Variants in BBS9 observed in about 807,000 individuals in gnomAD.
The protein encoded by BBS9 is Bardet-Biedl syndrome 9.
A neutral mutation model predicts 117.7 loss-of-function variants in BBS9; 89 were observed. The ratio of observed to expected loss-of-function variants is 0.76; its 90% CI spans 0.64 to 0.90. The LOEUF (loss-of-function observed/expected upper bound fraction) is 0.90, where lower values mean the gene tolerates loss of function less well. Ranked by LOEUF, BBS9 falls within the 40% of genes least tolerant of loss-of-function variation. The pLI, the probability that BBS9 is intolerant of heterozygous loss-of-function variation, is 0.00. For missense variants in BBS9, 982 were observed against 1,042.2 expected (o/e 0.94, Z 0.80); for synonymous variants, 379 against 370.9 (o/e 1.02, Z -0.25).
downstream of BBS9, among the ~76,000 whole-genome samples, chr7:33,606,394 C>T (rs1864569368): frequency 6.6e-6 from 1 of 152,116 alleles, no homozygotes; most frequent in African/African-American, 2.4e-5. Flanking sequence ...TCTCAACGGC[C>T]TTGTGATTTA....
intron 5 of BBS9, among the ~76,000 whole-genome samples, chr7:33,212,886 G>A (rs879278290): frequency 5.3e-5 from 8 of 152,146 alleles, no homozygotes; most frequent in Non-Finnish European, 1.0e-4. Flanking sequence ...TCTGTGCTGA[G>A]CCACCTGGAA....
At chr7:33,480,313 A>G (rs1842358302) in intron 19 of BBS9, among the ~76,000 whole-genome samples, 1 of 152,210 alleles carries the variant, frequency 6.6e-6, no homozygotes, top group Non-Finnish European at 1.5e-5. Flanking sequence ...AAGGCTCTAT[A>G]CTAGTTTCTA....
At chr7:33,411,011 G>GTTTTTTTT (rs765425062) in intron 19 of BBS9, among the ~76,000 whole-genome samples, 4 of 96,422 alleles carry the variant, frequency 4.1e-5, no homozygotes, top group Admixed American at 1.2e-4. Context: ...AAATGTTGGT[G>GTTTTTTTT]TTTTTTTTTT....
intron 9 of BBS9, among the ~76,000 whole-genome samples, chr7:33,289,892 A>G (rs1803664660): frequency 6.6e-6 from 1 of 152,032 alleles, no homozygotes. Flanking sequence ...AAATACAAAA[A>G]TTAGCTAGGC....
intron 5 of BBS9, among the ~76,000 whole-genome samples, chr7:33,221,131 G>C (rs541249864): frequency 1.4e-3 from 220 of 152,300 alleles, no homozygotes; most frequent in Middle Eastern, 3.4e-3. Flanking sequence ...AAGCTCTGCT[G>C]TGTTGGTTGT....
At position 33,250,702 on chromosome 7, in the gene BBS9, A is replaced by G. The variant is rs1277260300; in HGVS notation, c.443-6534A>G. 2.0e-5 allele frequency among the ~76,000 whole-genome samples: 3 copies of G among 152,198 alleles called. No homozygotes were observed. The East Asian group carries it at 5.8e-4, about 29-fold the overall frequency. ...GTAATAAATAAAGCATTTTTCACAT[A>G]CTTTGTATGCAGAGTGAAACACATG... On this transcript the variant is annotated intron_variant, in intron 5 of 22. Coordinates refer to ENST00000242067, the MANE Select transcript of BBS9 (RefSeq NM_198428.3).
At chr7:33,230,304 G>A (rs2128254361) in intron 5 of BBS9, among the ~76,000 whole-genome samples, 1 of 152,194 alleles carries the variant, frequency 6.6e-6, no homozygotes, top group Admixed American at 6.5e-5. Context: ...CTTTTGGTGT[G>A]ATTTCCAAGA....
intron 19 of BBS9, among the ~76,000 whole-genome samples, chr7:33,444,041 C>A (rs1836616860): frequency 6.6e-6 from 1 of 152,158 alleles, no homozygotes; most frequent in Admixed American, 6.5e-5. Context: ...CCTCTTCTTT[C>A]CCCCTGAGGC....
At chr7:33,542,284 C>A (rs555614531) in intron 21 of BBS9, among the ~76,000 whole-genome samples, 2 of 152,106 alleles carry the variant, frequency 1.3e-5, no homozygotes, top group African/African-American at 2.4e-5. Context: ...GGGGTTTCAC[C>A]ATATTGGTCA....
chr7:33,464,992 T>C (rs1191078992), intron 19 of BBS9, among the ~76,000 whole-genome samples: 2 of 151,984 alleles, frequency 1.3e-5, no homozygotes, highest in Non-Finnish European at 2.9e-5. Context: ...TCATTCTTTT[T>C]AACTATTTAC....
chr7:33,457,065 A>C (rs560977341), intron 19 of BBS9, among the ~76,000 whole-genome samples: 121 of 152,300 alleles, frequency 7.9e-4, no homozygotes, highest in African/African-American at 2.6e-3. Flanking sequence ...CCATACGTGT[A>C]CGTCAGACTA....
In BBS9 at chr7:33,433,985, A is replaced by T. The variant is rs138588096; in HGVS notation, c.2115+45841A>T. On this transcript the variant is annotated intron_variant, in intron 19 of 22. Transcript: ENST00000242067. Reference sequence around the variant, plus strand: ...GAATACTGATTTTTAGCATTATATGATGCATATTTTGCCGTATAACATTTT... The same window carrying T: ...GAATACTGATTTTTAGCATTATATGTTGCATATTTTGCCGTATAACATTTT... Among the ~76,000 whole-genome samples the T allele has an allele frequency of 1.5e-3, 224 of 152,150 alleles. 3 individuals are homozygous for T. In the East Asian group the frequency reaches 0.042, roughly 29 times the overall value.
chr7:33,408,949 CTGA>C (rs1201802063), intron 19 of BBS9, among the ~76,000 whole-genome samples: 9 of 152,314 alleles, frequency 5.9e-5, no homozygotes, highest in African/African-American at 2.2e-4. Flanking sequence ...TTGCATTTAT[CTGA>C]TGATTAGTGA....
chr7:33,367,692 A>C, intron 16 of BBS9, 75 bp from the exon 17 acceptor site: 1 of 1,217,672 alleles, frequency 8.2e-7, no homozygotes, highest in Non-Finnish European at 1.2e-6. Flanking sequence ...CGCATCATTC[A>C]ACTAAGGTTC....
intron 13 of BBS9, among the ~76,000 whole-genome samples, chr7:33,350,973 C>T (rs968774249): frequency 7.2e-5 from 11 of 152,136 alleles, no homozygotes; most frequent in Non-Finnish European, 1.5e-4. Flanking sequence ...GGATTACAGG[C>T]GTGAGCCACT....
At chr7:33,360,524 C>CT (rs5883399) in intron 16 of BBS9, among the ~76,000 whole-genome samples, 131,101 of 142,106 alleles carry the variant, frequency 0.92, 60,577 homozygotes, top group Non-Finnish European at 0.95. Context: ...CAATAAATAC[C>CT]TTTTTTTTTT....
intron 9 of BBS9, among the ~76,000 whole-genome samples, chr7:33,329,885 A>T (rs1813646538): frequency 6.6e-6 from 1 of 152,012 alleles, no homozygotes; most frequent in African/African-American, 2.4e-5. Flanking sequence ...TTTTCCATTT[A>T]TTTATTGACT....
intron 21 of BBS9, among the ~76,000 whole-genome samples, chr7:33,573,117 C>T (rs1360949949): frequency 6.6e-6 from 1 of 151,928 alleles, no homozygotes; most frequent in Non-Finnish European, 1.5e-5. Flanking sequence ...TTTTAATATG[C>T]CCCCATCATT....
intron 19 of BBS9, among the ~76,000 whole-genome samples, chr7:33,422,840 C>T (rs749527125): frequency 1.3e-5 from 2 of 152,080 alleles, no homozygotes; most frequent in Non-Finnish European, 2.9e-5. Context: ...AAACTCTTGG[C>T]CTCAAGCAAT....
Sources: gnomAD v4.1 joint callset for allele counts (sites outside exome capture counted in the v4.1 genomes callset) on GRCh38, gnomAD v4.1.1 for gene constraint, MANE v1.5 for transcripts, NCBI Gene and HGNC (gene_info 2026-07-23, HGNC 2026-07-21) for gene names.